MMP26: variants seen among roughly 807,000 people sequenced by gnomAD.
MMP26 encodes matrix metalloproteinase-26.
Under a neutral mutation model 31.0 loss-of-function variants are expected in MMP26, and 33 were observed. The observed-to-expected ratio is 1.06, with a 90% CI of 0.81 to 1.42. The LOEUF is 1.42. Ranked by LOEUF, MMP26 falls within the 40% of genes most tolerant of loss-of-function variation. The probability of loss-of-function intolerance (pLI) is 0.00; values close to 1 mark genes in which losing one functional copy is unlikely to be tolerated. For synonymous variants in MMP26, 122 were observed against 114.9 expected (o/e 1.06, Z -0.40); for missense variants, 347 against 316.1 (o/e 1.10, Z -0.74).
intron 1 of MMP26, among the ~76,000 whole-genome samples, chr11:4,715,289 A>G (rs1847913987): frequency 6.6e-6 from 1 of 152,080 alleles, no homozygotes; most frequent in African/African-American, 2.4e-5. Flanking sequence ...GCATAAATAT[A>G]AAAGAATATC....
intron 1 of MMP26, among the ~76,000 whole-genome samples, chr11:4,761,377 C>G (rs1848567302): frequency 6.6e-6 from 1 of 152,156 alleles, no homozygotes; most frequent in African/African-American, 2.4e-5. Context: ...CTCTTACTTA[C>G]AGTGGGGTAT....
intron 2 of MMP26, among the ~76,000 whole-genome samples, chr11:4,927,373 G>C (rs972510351): frequency 6.6e-6 from 1 of 152,120 alleles, no homozygotes; most frequent in African/African-American, 2.4e-5. Context: ...TGAATGAAGA[G>C]AAAAGAGATG....
chr11:4,722,682 G>C (rs1168478331), intron 1 of MMP26: 4 of 719,026 alleles, frequency 5.6e-6, no homozygotes, highest in Non-Finnish European at 9.9e-6. Context: ...CCTCCCTCCT[G>C]TGCTTTCCCG....
chr11:4,927,053 C>T (rs927825403), intron 2 of MMP26, among the ~76,000 whole-genome samples: 9 of 152,192 alleles, frequency 5.9e-5, no homozygotes, highest in South Asian at 2.1e-4. Context: ...TGAGACACCA[C>T]TGTCCTTTCA....
chr11:4,942,292 A>G (rs1031592206), intron 2 of MMP26, among the ~76,000 whole-genome samples: 4 of 151,536 alleles, frequency 2.6e-5, no homozygotes, highest in African/African-American at 4.8e-5. Flanking sequence ...TTTGTTTATT[A>G]TTTATTTATT....
chr11:4,736,890 A>T (rs10734443), intron 1 of MMP26: 2 of 152,730 alleles, frequency 1.3e-5, no homozygotes, highest in East Asian at 3.9e-4. Context: ...AGCCCAGGTC[A>T]GTGGTTGAGA....
chr11:4,745,114 TAA>T (rs1324385145), intron 1 of MMP26, among the ~76,000 whole-genome samples: 2 of 152,156 alleles, frequency 1.3e-5, no homozygotes, highest in African/African-American at 4.8e-5. Flanking sequence ...TTGACTAATA[TAA>T]AAAGTGTACA....
chr11:4,874,565 GGTGTGTGT>G (rs35692032), intron 2 of MMP26, among the ~76,000 whole-genome samples: 1 of 149,052 alleles, frequency 6.7e-6, no homozygotes, highest in Non-Finnish European at 1.5e-5. Flanking sequence ...GTGGTGTGTT[GGTGTGTGT>G]GTGTGTGTGT....
At chr11:4,944,317 T>A (rs538922339) in intron 2 of MMP26, 23 of 172,454 alleles carry the variant, frequency 1.3e-4, no homozygotes, top group Non-Finnish European at 2.8e-4. Flanking sequence ...TTCCTCTCTG[T>A]GTGAATTTCA....
chr11:4,857,262 T>TA (rs150569161), intron 2 of MMP26, among the ~76,000 whole-genome samples: 1 of 150,902 alleles, frequency 6.6e-6, no homozygotes, highest in Non-Finnish European at 1.5e-5. Context: ...AAAAAACCCT[T>TA]AAAAAAAAAT....
intron 2 of MMP26, among the ~76,000 whole-genome samples, chr11:4,825,127 C>A (rs991789034): frequency 2.0e-5 from 3 of 152,098 alleles, no homozygotes; most frequent in Non-Finnish European, 4.4e-5. Context: ...GCATCACACT[C>A]AGGTTTGGTT....
chr11:4,781,380 T>A (rs1848858561), intron 2 of MMP26, among the ~76,000 whole-genome samples: 1 of 73,200 alleles, frequency 1.4e-5, no homozygotes, highest in African/African-American at 1.1e-4. Flanking sequence ...ACCCCGTCTC[T>A]ACTAAAAATA....
At chr11:4,760,340 G>A (rs1258425432) in intron 1 of MMP26, among the ~76,000 whole-genome samples, 2 of 152,134 alleles carry the variant, frequency 1.3e-5, no homozygotes, top group Non-Finnish European at 2.9e-5. Context: ...TATATTTTCT[G>A]AATTTAGGAA....
At chr11:4,907,083 C>A (rs1198105835) in intron 2 of MMP26, among the ~76,000 whole-genome samples, 7 of 29,888 alleles carry the variant, frequency 2.3e-4, no homozygotes, top group Admixed American at 7.5e-4. Flanking sequence ...GCAACAAGAG[C>A]AAAACTCCCT....
rs200349546 is a variant in MMP26, at chr11:4,836,466, GC to G, written c.-145+69126del. ...ATACATATAATTTATAATATGATAT[GC>G]ATAGTATTTTATTTCAGTGAGAAAA... On this transcript the variant is annotated intron_variant, in intron 2 of 7. Transcript: ENST00000380390. Among the ~76,000 whole-genome samples, 1,210 of 150,564 alleles carry G rather than the reference GC, an allele frequency of 8.0e-3. 10 individuals carry two copies. Among genetic ancestry groups the G allele is most frequent in the Non-Finnish European group, 0.012 (840 of 67,700 alleles).
intron 1 of MMP26, among the ~76,000 whole-genome samples, chr11:4,746,420 C>A (rs1045604786): frequency 1.3e-5 from 2 of 152,162 alleles, no homozygotes; most frequent in Non-Finnish European, 2.9e-5. Context: ...TTATATTCCT[C>A]ACTAGGCATT....
At chr11:4,859,633 TGGAA>T (rs1171484071) in intron 2 of MMP26, 51 of 451,518 alleles carry the variant, frequency 1.1e-4, no homozygotes, top group Middle Eastern at 6.7e-4. Context: ...TTTTTGCCTC[TGGAA>T]CACTTGAAAG....
rs77184886 is a variant in MMP26 at position 4,771,171 on chromosome 11, C to T, written c.-145+3830C>T. The stretch of plus-strand genomic sequence containing the variant: ...TTCGAGAAATTGATATGTTTATAAA[C>T]GGAGGTTAAAAATGTAGCAGATAAT... On this transcript the variant is annotated intron_variant, in intron 2 of 7. Coordinates refer to ENST00000380390, the MANE Select transcript of MMP26 (RefSeq NM_021801.5). Among the ~76,000 whole-genome samples the T allele has an allele frequency of 2.7e-4, 41 of 152,056 alleles. 1 individual carries two copies. The East Asian group carries it at 5.2e-3, about 19-fold the overall frequency.
chr11:4,761,574 A>G (rs1197436763), intron 1 of MMP26, among the ~76,000 whole-genome samples: 1 of 152,240 alleles, frequency 6.6e-6, no homozygotes, highest in East Asian at 1.9e-4. Flanking sequence ...AGTGGAGAAA[A>G]ATCACATCAG....
Sources: gnomAD v4.1 joint callset for allele counts (sites outside exome capture counted in the v4.1 genomes callset) on GRCh38, gnomAD v4.1.1 for gene constraint, MANE v1.5 for transcripts, NCBI Gene and HGNC (gene_info 2026-07-23, HGNC 2026-07-21) for gene names.